LARGE1: variants seen among roughly 807,000 people sequenced by gnomAD.
LARGE1 encodes xylosyl- and glucuronyltransferase LARGE1.
A neutral mutation model predicts 87.6 loss-of-function variants in LARGE1; 43 were observed. The ratio of observed to expected loss-of-function variants is 0.49; its 90% confidence interval spans 0.38 to 0.63. The LOEUF (loss-of-function observed/expected upper bound fraction) is 0.63, where lower values mean the gene tolerates loss of function less well. Among genes scored for constraint, LARGE1 ranks in the 30% least tolerant of loss-of-function variants. LARGE1 has a pLI of 0.00. For synonymous variants in LARGE1, 434 were observed against 394.6 expected, an observed-to-expected ratio of 1.10 and a Z score of -1.18; for missense variants, 802 against 1,000.2, an observed-to-expected ratio of 0.80 and a Z score of 2.67.
chr22:33,191,665 A>G (rs1369754148), intron 11 of LARGE1, among the ~76,000 whole-genome samples: 1 of 152,240 alleles, frequency 6.6e-6, no homozygotes, highest in African/African-American at 2.4e-5. Flanking sequence ...CAAGGTGAGC[A>G]CAGACATGAG....
At chr22:33,302,670 A>G (rs9621676) in intron 12 of LARGE1, among the ~76,000 whole-genome samples, 23,258 of 152,148 alleles carry the variant, frequency 0.15, 3,581 homozygotes, top group African/African-American at 0.4. Context: ...CGGAGTCAGA[A>G]GGAGGGAGGG....
intron 10 of LARGE1, among the ~76,000 whole-genome samples, chr22:33,326,945 A>T: frequency 6.6e-6 from 1 of 152,064 alleles, no homozygotes; most frequent in East Asian, 1.9e-4. Flanking sequence ...AGCTTAACAC[A>T]TTCCTGGAGG....
intron 13 of LARGE1, among the ~76,000 whole-genome samples, chr22:33,278,286 C>A (rs1219721676): frequency 6.6e-6 from 1 of 152,108 alleles, no homozygotes; most frequent in Non-Finnish European, 1.5e-5. Flanking sequence ...CTGCTAACCA[C>A]CAGTGATCTG....
chr22:33,207,747 A>C (rs1416153903), intron 11 of LARGE1, among the ~76,000 whole-genome samples: 2 of 152,130 alleles, frequency 1.3e-5, no homozygotes, highest in Non-Finnish European at 2.9e-5. Flanking sequence ...CCACTGCTCC[A>C]ACAGATATCC....
intron 1 of LARGE1, among the ~76,000 whole-genome samples, chr22:33,881,577 G>A (rs941732949): frequency 6.6e-6 from 1 of 152,198 alleles, no homozygotes; most frequent in Non-Finnish European, 1.5e-5. Context: ...AATTATCACA[G>A]CAAAGAATCA....
intron 13 of LARGE1, among the ~76,000 whole-genome samples, chr22:33,278,553 T>TCTCACACACACA (rs1304691630): frequency 7.8e-4 from 116 of 148,772 alleles, no homozygotes; most frequent in Non-Finnish European, 9.2e-4. Flanking sequence ...TCTCTCTCTC[T>TCTCACACACACA]CACACACACA....
intron 11 of LARGE1, among the ~76,000 whole-genome samples, chr22:33,235,149 A>T (rs1237787219): frequency 6.6e-6 from 1 of 152,352 alleles, no homozygotes; most frequent in East Asian, 1.9e-4. Context: ...TATGTGTTCA[A>T]CACTGTTAGG....
intron 6 of LARGE1, among the ~76,000 whole-genome samples, chr22:33,457,577 A>G (rs2068190383): frequency 6.6e-6 from 1 of 152,162 alleles, no homozygotes; most frequent in African/African-American, 2.4e-5. Context: ...AATAAGTACA[A>G]AAGACATGTA....
rs139946241 is a variant in LARGE1 at position 33,274,033 on chromosome 22, A to G, written c.*394T>C. The G allele has an allele frequency of 1.0e-4, 40 of 387,122 alleles. No individual in the cohort carries two copies. Among genetic ancestry groups the G allele is most frequent in the African/African-American group, 7.7e-4 (38 of 49,496 alleles). 24.0% of individuals were successfully genotyped at this position (387,122 alleles called of 1,614,324 possible). A position where few individuals can be genotyped will look rare whatever the true frequency, so the allele number is the denominator to read the frequency against. On this transcript the variant is annotated 3_prime_UTR_variant, in exon 15 of 15. Transcript: ENST00000397394. ...CTATTTCCTGGGACGAATAACCCCT[A>G]GAACCCTGACTTCCCTTTCTCCCCA...
At chr22:33,762,679 A>G (rs770650038) in intron 1 of LARGE1, among the ~76,000 whole-genome samples, 95 of 152,220 alleles carry the variant, frequency 6.2e-4, no homozygotes, top group Non-Finnish European at 1.0e-3. Flanking sequence ...CCACGGCAGA[A>G]GACTGGCCGT....
At chr22:33,838,195 A>T (rs150277773) in intron 1 of LARGE1, among the ~76,000 whole-genome samples, 115 of 152,326 alleles carry the variant, frequency 7.5e-4, no homozygotes, top group African/African-American at 2.7e-3. Context: ...CACAGAATGC[A>T]GACTCTTGCT....
At chr22:33,808,301 C>A (rs1158679885) in intron 1 of LARGE1, among the ~76,000 whole-genome samples, 2 of 152,152 alleles carry the variant, frequency 1.3e-5, no homozygotes, top group Non-Finnish European at 2.9e-5. Context: ...TGCATATTTT[C>A]TTTGGGGAGG....
chr22:33,473,418 C>T (rs1479485348), intron 6 of LARGE1, among the ~76,000 whole-genome samples: 2 of 152,092 alleles, frequency 1.3e-5, no homozygotes, highest in Admixed American at 6.6e-5. Context: ...GGCACTATCT[C>T]GGCTCACTGC....
intron 5 of LARGE1, among the ~76,000 whole-genome samples, chr22:33,586,614 C>T (rs951218861): frequency 6.6e-5 from 10 of 152,104 alleles, no homozygotes; most frequent in African/African-American, 2.4e-4. Flanking sequence ...CCCACCACCA[C>T]GCCTGGCTAA....
At chr22:33,852,608 A>T (rs973494447) in intron 1 of LARGE1, among the ~76,000 whole-genome samples, 5 of 152,154 alleles carry the variant, frequency 3.3e-5, no homozygotes, top group African/African-American at 1.2e-4. Flanking sequence ...GCACTTTTGG[A>T]GGCCAAGGCG....
At chr22:33,852,870 AAAAAAAAAAG>A (rs1329950164) in intron 1 of LARGE1, among the ~76,000 whole-genome samples, 1 of 126,408 alleles carries the variant, frequency 7.9e-6, no homozygotes, top group Non-Finnish European at 1.5e-5. Context: ...AAAAAAAAAA[AAAAAAAAAAG>A]AAAGAAAGAA....
chr22:33,081,234 G>T, the LARGE1 span, among the ~76,000 whole-genome samples: 1 of 152,194 alleles, frequency 6.6e-6, no homozygotes, highest in African/African-American at 2.4e-5. Flanking sequence ...CTCCAGAACT[G>T]TGAGAAATAA....
At chr22:33,636,381 T>C (rs914413314) in intron 3 of LARGE1, among the ~76,000 whole-genome samples, 1 of 152,170 alleles carries the variant, frequency 6.6e-6, no homozygotes, top group African/African-American at 2.4e-5. Flanking sequence ...TCATGCTAGA[T>C]GACTCATCAA....
chr22:33,887,558 G>A (rs2064888367), intron 1 of LARGE1, among the ~76,000 whole-genome samples: 1 of 152,124 alleles, frequency 6.6e-6, no homozygotes, highest in Non-Finnish European at 1.5e-5. Flanking sequence ...ACAACATGGT[G>A]AAACCCTGTC....
Sources: allele counts gnomAD v4.1 joint callset (sites outside exome capture counted in the v4.1 genomes callset), GRCh38; gene constraint gnomAD v4.1.1; transcripts MANE v1.5; gene names NCBI Gene and HGNC (gene_info 2026-07-23, HGNC 2026-07-21).